AKT3: variants seen among roughly 807,000 people sequenced by gnomAD.
AKT3 encodes RAC-gamma serine/threonine-protein kinase.
Under a neutral mutation model 65.3 loss-of-function variants are expected in AKT3, and 15 were observed. That is an observed-to-expected ratio of 0.23 (90% CI 0.15 to 0.35). The LOEUF (loss-of-function observed/expected upper bound fraction) is 0.35. Among genes scored for constraint, AKT3 ranks in the 10% least tolerant of loss-of-function variants. The pLI, the probability that AKT3 is intolerant of heterozygous loss-of-function variation, is 1.00. For synonymous variants in AKT3, 206 were observed against 183.8 expected (o/e 1.12, Z -0.98); for missense variants, 243 against 576.5 (o/e 0.42, Z 5.92).
intron 2 of AKT3, among the ~76,000 whole-genome samples, chr1:243,839,182 G>A (rs946499385): frequency 6.6e-6 from 1 of 151,938 alleles, no homozygotes; most frequent in African/African-American, 2.4e-5. Flanking sequence ...CTATAATTTA[G>A]ACCTTTTAAA....
At chr1:243,813,557 G>A (rs374272216) in intron 2 of AKT3, among the ~76,000 whole-genome samples, 4 of 151,718 alleles carry the variant, frequency 2.6e-5, no homozygotes, top group African/African-American at 7.3e-5. Flanking sequence ...GCAATATAAC[G>A]TTAGATTTTT....
chr1:243,571,312 T>C (rs1284352436), intron 9 of AKT3, among the ~76,000 whole-genome samples: 1 of 152,196 alleles, frequency 6.6e-6, no homozygotes, highest in African/African-American at 2.4e-5. Context: ...CGAGACTCCA[T>C]CTGAAAACAC....
In AKT3 at chr1:243,639,537, A is replaced by C. The variant is rs558127088; in HGVS notation, c.430-1795T>G. On this transcript the variant is annotated intron_variant, in intron 5 of 13. Transcript: ENST00000673466. Reference sequence around the variant, plus strand: ...ATGAAAGTGACCTCCGGTTGTCCCCACTGCTCATTATACATTCATTATAAT... The same window carrying C: ...ATGAAAGTGACCTCCGGTTGTCCCCCCTGCTCATTATACATTCATTATAAT... Among the ~76,000 whole-genome samples, 8 of 152,300 alleles carry C rather than the reference A, an allele frequency of 5.3e-5. 1 individual carries two copies. The East Asian group carries it at 1.5e-3, about 29-fold the overall frequency.
intron 12 of AKT3, among the ~76,000 whole-genome samples, chr1:243,527,974 G>A (rs532605292): frequency 1.4e-5 from 2 of 147,054 alleles, no homozygotes; most frequent in African/African-American, 5.0e-5. Flanking sequence ...GAGGCCTTCA[G>A]TCAGAAACTA....
intron 10 of AKT3, among the ~76,000 whole-genome samples, chr1:243,556,855 G>A (rs1673441190): frequency 6.6e-6 from 1 of 151,948 alleles, no homozygotes; most frequent in South Asian, 2.1e-4. Flanking sequence ...GTAAACTGCA[G>A]CTTCAGGAAA....
intron 2 of AKT3, among the ~76,000 whole-genome samples, chr1:243,697,459 C>CA (rs1685126951): frequency 6.6e-6 from 1 of 152,010 alleles, no homozygotes; most frequent in South Asian, 2.1e-4. Context: ...CACCAGAATT[C>CA]AACAAGGGTT....
intron 3 of AKT3, among the ~76,000 whole-genome samples, chr1:243,684,247 T>C (rs1684127477): frequency 6.6e-6 from 1 of 152,108 alleles, no homozygotes. Context: ...CATGGTGGTT[T>C]GCTGCACCCA....
chr1:243,509,818 A>G (rs1415891430), intron 13 of AKT3, among the ~76,000 whole-genome samples: 2 of 152,064 alleles, frequency 1.3e-5, no homozygotes, highest in Non-Finnish European at 2.9e-5. Flanking sequence ...ACACGGGAGG[A>G]CAAAAACGCC....
At chr1:243,789,627 C>T (rs1691491859) in intron 2 of AKT3, among the ~76,000 whole-genome samples, 1 of 152,176 alleles carries the variant, frequency 6.6e-6, no homozygotes, top group African/African-American at 2.4e-5. Context: ...TTCTGACCTC[C>T]TCCCATGATT....
rs549558511 is a variant in AKT3 at position 243,836,483 on chromosome 1, C to T, written c.46+6642G>A. ...ACAGAACTAGAGGAAAAAAAAAAAA[C>T]GAGTCAGTGAAGACATAGAAGACTA... On this transcript the variant is annotated intron_variant, in intron 2 of 13. Coordinates refer to ENST00000673466, the MANE Select transcript of AKT3 (RefSeq NM_005465.7). Among the ~76,000 whole-genome samples, 160 of 147,642 alleles carry T rather than the reference C, an allele frequency of 1.1e-3. 1 individual carries two copies. Among genetic ancestry groups the T allele is most frequent in the African/African-American group, 1.8e-3 (73 of 40,404 alleles).
chr1:243,688,072 A>C (rs980453525), intron 3 of AKT3, among the ~76,000 whole-genome samples: 1 of 152,196 alleles, frequency 6.6e-6, no homozygotes. Flanking sequence ...CATTATATGA[A>C]TGTATCAAAT....
intron 3 of AKT3, among the ~76,000 whole-genome samples, chr1:243,694,230 C>T (rs1356490954): frequency 6.6e-6 from 1 of 152,134 alleles, no homozygotes; most frequent in East Asian, 1.9e-4. Context: ...TTAGGTAGGG[C>T]ATTTAGATAA....
At chr1:243,694,336 T>C (rs2148020952) in intron 3 of AKT3, among the ~76,000 whole-genome samples, 1 of 152,200 alleles carries the variant, frequency 6.6e-6, no homozygotes, top group African/African-American at 2.4e-5. Flanking sequence ...CTTAAGTCAA[T>C]ACAAAATACA....
chr1:243,489,244 T>TA lies in AKT3; in HGVS notation c.*7-795dup, dbSNP rs1040161604. 4.8e-6 allele frequency: 7 copies of TA among 1,445,336 alleles called. No homozygotes were observed. In the African/African-American group the frequency reaches 9.8e-5, roughly 20 times the overall value. 89.5% of individuals were successfully genotyped at this position (1,445,336 alleles called of 1,614,324 possible). ...CGGCTTTCTCACGGATCACATCGGT[T>TA]AGCAGTAAGCTGGGAGGGAGGTCCC... On this transcript the variant is annotated intron_variant, in intron 13 of 13. Coordinates refer to the AKT3 transcript ENST00000336199.
chr1:243,761,670 T>C (rs1409109956), intron 2 of AKT3, among the ~76,000 whole-genome samples: 1 of 152,226 alleles, frequency 6.6e-6, no homozygotes, highest in Admixed American at 6.5e-5. Context: ...TGAGTTACTT[T>C]ACCCTTAACC....
intron 4 of AKT3, among the ~76,000 whole-genome samples, chr1:243,662,801 T>C (rs1463299879): frequency 6.6e-6 from 1 of 152,124 alleles, no homozygotes; most frequent in Non-Finnish European, 1.5e-5. Flanking sequence ...GAAATGCACA[T>C]ACCAATGGCA....
At position 243,490,748 on chromosome 1, in the gene AKT3, C is replaced by T. The variant is rs139438621; in HGVS notation, c.*7-2298G>A. Among the ~76,000 whole-genome samples the T allele has an allele frequency of 5.5e-3, 831 of 152,280 alleles. 9 individuals are homozygous for T. Among genetic ancestry groups the T allele is most frequent in the African/African-American group, 0.019 (789 of 41,564 alleles). ...TCTTCAGAGGGTCCTGGGAGAGGTT[C>T]AGGGAAGGCAGAGGCCTGCAGAGCA... On this transcript the variant is annotated intron_variant, in intron 13 of 13. Coordinates refer to the AKT3 transcript ENST00000336199.
intron 3 of AKT3, among the ~76,000 whole-genome samples, chr1:243,666,117 C>T (rs903463220): frequency 6.6e-6 from 1 of 152,142 alleles, no homozygotes; most frequent in African/African-American, 2.4e-5. Context: ...GATTGTCATG[C>T]CTCAGCCACC....
At chr1:243,675,119 G>A (rs1251981756) in intron 3 of AKT3, among the ~76,000 whole-genome samples, 3 of 152,130 alleles carry the variant, frequency 2.0e-5, no homozygotes, top group East Asian at 3.9e-4. Flanking sequence ...TTCTACTCAC[G>A]TATCTTCAAA....
Sources: gnomAD v4.1 joint callset for allele counts (sites outside exome capture counted in the v4.1 genomes callset) on GRCh38, gnomAD v4.1.1 for gene constraint, MANE v1.5 for transcripts, NCBI Gene and HGNC (gene_info 2026-07-23, HGNC 2026-07-21) for gene names.